Variants in KIAA1328 observed in about 807,000 individuals in gnomAD.
The protein encoded by KIAA1328 is KIAA1328.
KIAA1328 carries 52 observed loss-of-function variants against 68.1 expected under a neutral mutation model. The ratio of observed to expected loss-of-function variants is 0.76; its 90% CI spans 0.61 to 0.96. KIAA1328 has a LOEUF of 0.96. KIAA1328 is among the 40% of genes least tolerant of loss of function. KIAA1328 has a pLI of 0.00. For synonymous variants in KIAA1328, 232 were observed against 239.4 expected, an observed-to-expected ratio of 0.97 and a Z score of 0.28; for missense variants, 641 against 677.6, an observed-to-expected ratio of 0.95 and a Z score of 0.60.
At chr18:36,915,398 T>G (rs1299049786) in intron 5 of KIAA1328, among the ~76,000 whole-genome samples, 1 of 152,132 alleles carries the variant, frequency 6.6e-6, no homozygotes, top group African/African-American at 2.4e-5. Flanking sequence ...AAAAAACTAT[T>G]CTCCCGTAGG....
chr18:37,060,352 A>G (rs1378549393), intron 6 of KIAA1328, among the ~76,000 whole-genome samples: 1 of 152,186 alleles, frequency 6.6e-6, no homozygotes, highest in Admixed American at 6.5e-5. Context: ...CAAGCACTTC[A>G]CAAAAGAAGA....
At chr18:37,130,611 C>T (rs565905240) in intron 7 of KIAA1328, among the ~76,000 whole-genome samples, 7 of 150,756 alleles carry the variant, frequency 4.6e-5, no homozygotes, top group African/African-American at 1.2e-4. Context: ...AGTGAGACTC[C>T]GTCTCAAAAA....
chr18:37,123,174 C>T (rs2058313464), intron 7 of KIAA1328, among the ~76,000 whole-genome samples: 1 of 152,120 alleles, frequency 6.6e-6, no homozygotes, highest in Non-Finnish European at 1.5e-5. Flanking sequence ...TGTTAGTATA[C>T]TAGAGAGCAT....
At chr18:37,023,982 C>T (rs933083324) in intron 6 of KIAA1328, among the ~76,000 whole-genome samples, 3 of 151,758 alleles carry the variant, frequency 2.0e-5, no homozygotes, top group Non-Finnish European at 4.4e-5. Context: ...CAAGTAAGTC[C>T]TTCTTTCTAT....
At chr18:37,201,697 C>G (rs1169422511) in intron 9 of KIAA1328, among the ~76,000 whole-genome samples, 6 of 152,118 alleles carry the variant, frequency 3.9e-5, no homozygotes, top group Non-Finnish European at 8.8e-5. Flanking sequence ...GGCTAAGAAG[C>G]AAAGCCAAGG....
intron 7 of KIAA1328, among the ~76,000 whole-genome samples, chr18:37,124,991 A>C (rs566436743): frequency 6.6e-6 from 1 of 152,354 alleles, no homozygotes; most frequent in South Asian, 2.1e-4. Context: ...TCCACAGTTA[A>C]AATGGAAAAC....
intron 9 of KIAA1328, among the ~76,000 whole-genome samples, chr18:37,195,982 G>A (rs189364457): frequency 1.6e-4 from 24 of 152,084 alleles, no homozygotes; most frequent in African/African-American, 4.6e-4. Flanking sequence ...TCTTTCATCA[G>A]TATTTTATAG....
rs1262077314 is a variant in KIAA1328 at position 36,948,549 on chromosome 18, C to G, written c.449-10759C>G. 6.8e-5 allele frequency among the ~76,000 whole-genome samples: 10 copies of G among 147,034 alleles called. No homozygotes were observed. In the Admixed American group the frequency reaches 6.8e-4, roughly 10 times the overall value. ...TGCTGGGATTACAGGCATTAGCCAC[C>G]ACGCCTTTTTTTTTTTTTTTGAGAC... On this transcript the variant is annotated intron_variant, in intron 5 of 9. Coordinates refer to ENST00000280020, the MANE Select transcript of KIAA1328 (RefSeq NM_020776.3).
intron 5 of KIAA1328, among the ~76,000 whole-genome samples, chr18:36,918,495 C>T (rs1329739780): frequency 6.7e-6 from 1 of 150,284 alleles, no homozygotes; most frequent in Non-Finnish European, 1.5e-5. Flanking sequence ...TCACTGCAAC[C>T]TCCGCCTCTT....
intron 5 of KIAA1328, among the ~76,000 whole-genome samples, chr18:36,948,256 C>CTTTTTTTTTTTTTTTTTTT (rs1568200306): frequency 7.8e-6 from 1 of 128,440 alleles, no homozygotes. Context: ...GTTTGTTTGT[C>CTTTTTTTTTTTTTTTTTTT]TTTTGTTTTT....
intron 6 of KIAA1328, among the ~76,000 whole-genome samples, chr18:36,975,752 T>G (rs1179954804): frequency 2.0e-5 from 3 of 152,214 alleles, no homozygotes; most frequent in African/African-American, 7.2e-5. Context: ...CTAAATCATT[T>G]CTTCCCTTAA....
At chr18:36,957,085 A>G (rs1598818587) in intron 5 of KIAA1328, among the ~76,000 whole-genome samples, 3 of 152,116 alleles carry the variant, frequency 2.0e-5, no homozygotes, top group African/African-American at 7.2e-5. Context: ...CTTTTTTGTT[A>G]AAGGTTAATA....
intron 6 of KIAA1328, among the ~76,000 whole-genome samples, chr18:36,996,184 A>T (rs183690345): frequency 4.6e-5 from 7 of 152,266 alleles, no homozygotes; most frequent in Non-Finnish European, 8.8e-5. Flanking sequence ...ACCCTGTTAG[A>T]CTCATAATTA....
chr18:37,052,364 G>A (rs1240885525), intron 6 of KIAA1328, among the ~76,000 whole-genome samples: 3 of 151,960 alleles, frequency 2.0e-5, no homozygotes, highest in African/African-American at 7.3e-5. Flanking sequence ...AGGAACTTAC[G>A]ACAAATACAC....
At chr18:37,102,375 G>A (rs1025478934) in intron 7 of KIAA1328, among the ~76,000 whole-genome samples, 40 of 152,124 alleles carry the variant, frequency 2.6e-4, no homozygotes, top group Non-Finnish European at 4.4e-4. Flanking sequence ...CATGGCACAC[G>A]TTTGCGTTTG....
At chr18:37,167,441 T>C (rs1197984272) in intron 8 of KIAA1328, among the ~76,000 whole-genome samples, 1 of 151,928 alleles carries the variant, frequency 6.6e-6, no homozygotes, top group East Asian at 1.9e-4. Context: ...CTCTCAGCAG[T>C]TGGATGGGGT....
chr18:36,916,975 C>A (rs1457790716), intron 5 of KIAA1328, among the ~76,000 whole-genome samples: 3 of 149,438 alleles, frequency 2.0e-5, no homozygotes, highest in African/African-American at 7.4e-5. Flanking sequence ...CTATTAAAAA[C>A]AAAACAAAAC....
At chr18:37,005,684 A>C (rs2053755368) in intron 6 of KIAA1328, among the ~76,000 whole-genome samples, 1 of 152,166 alleles carries the variant, frequency 6.6e-6, no homozygotes, top group Non-Finnish European at 1.5e-5. Flanking sequence ...CACAAAAGCA[A>C]AGATATTCGA....
chr18:37,166,374 G>C (rs1467641665), intron 8 of KIAA1328, among the ~76,000 whole-genome samples: 4 of 152,144 alleles, frequency 2.6e-5, no homozygotes, highest in African/African-American at 9.7e-5. Context: ...GCCCAGGACA[G>C]CTTTGAATGT....
Sources: allele counts gnomAD v4.1 joint callset (sites outside exome capture counted in the v4.1 genomes callset), GRCh38; gene constraint gnomAD v4.1.1; transcripts MANE v1.5; gene names NCBI Gene and HGNC (gene_info 2026-07-23, HGNC 2026-07-21).